The following MCF2L2 variants were observed in gnomAD, a reference collection of about 807,000 sequenced individuals.
MCF2L2 encodes the protein probable guanine nucleotide exchange factor MCF2L2.
MCF2L2 carries 102 observed loss-of-function variants against 150.2 expected under a neutral mutation model. The ratio of observed to expected loss-of-function variants is 0.68; its 90% CI spans 0.58 to 0.80. The LOEUF is 0.80. Among genes scored for constraint, MCF2L2 ranks in the 30% least tolerant of loss-of-function variants. The pLI is 0.00. For synonymous variants in MCF2L2, 465 were observed against 491.3 expected (o/e 0.95, Z 0.71); for missense variants, 1,256 against 1,372.8 (o/e 0.91, Z 1.34).
At chr3:183,216,413 T>A (rs1373966893) in intron 21 of MCF2L2, among the ~76,000 whole-genome samples, 1 of 143,174 alleles carries the variant, frequency 7.0e-6, no homozygotes, top group African/African-American at 2.6e-5. Context: ...TATATGTTTC[T>A]TATGTGTATA....
At position 183,181,323 on chromosome 3, in the gene MCF2L2, G is replaced by A. The variant is rs952799060; in HGVS notation, c.3017-1164C>T. On this transcript the variant is annotated intron_variant, in intron 27 of 29. Transcript: ENST00000328913. The surrounding 1 kb of genome is among the most constrained non-coding windows in gnomAD (Gnocchi z 4.3). ...GGGGCTGTGTGAGTAACATGGGGGC[G>A]GGGGGGCAGCTGGGCAGCACCTCCC... is the stretch of plus-strand genomic sequence containing the variant. Among the ~76,000 whole-genome samples, 26 of 144,474 alleles carry A rather than the reference G, an allele frequency of 1.8e-4. No individual in the cohort carries two copies. The highest frequency in any genetic ancestry group is 6.0e-4 in the Admixed American group (9 of 15,018). 94.8% of individuals were successfully genotyped at this position (144,474 alleles called of 152,430 possible).
At chr3:183,245,653 GTTC>G (rs1724218573) in intron 15 of MCF2L2, among the ~76,000 whole-genome samples, 1 of 152,090 alleles carries the variant, frequency 6.6e-6, no homozygotes, top group Non-Finnish European at 1.5e-5. Flanking sequence ...AGGAAAACAT[GTTC>G]TTAAGTTTTA....
rs1244069131 is a variant in MCF2L2 at position 183,267,038 on chromosome 3, G to A, written c.1862+9834C>T. 1.3e-5 allele frequency among the ~76,000 whole-genome samples: 2 copies of A among 151,994 alleles called. No homozygotes were observed. Among genetic ancestry groups the A allele is most frequent in the Admixed American group, 6.6e-5 (1 of 15,256 alleles). On this transcript the variant is annotated intron_variant, in intron 15 of 29. Transcript: ENST00000328913. The surrounding 1 kb of genome is among the most constrained non-coding windows in gnomAD (Gnocchi z 5.5). Reference sequence around the variant, plus strand: ...TGACCTCAAGTGATCCTCCTGCCTCGGCCTCCCAAAGCGCTAGGATTACAG... The same window carrying A: ...TGACCTCAAGTGATCCTCCTGCCTCAGCCTCCCAAAGCGCTAGGATTACAG...
Position 183,180,112 on chromosome 3 carries a change from C to T in MCF2L2, c.3064G>A (p.Glu1022Lys). 1 of 1,614,116 alleles carries T rather than the reference C, an allele frequency of 6.2e-7. No individual in the cohort carries two copies. Residue 1022 changes from glutamate to lysine, a missense_variant, in exon 28 of 30, where the codon GAA becomes AAA. Coordinates refer to ENST00000328913, the MANE Select transcript of MCF2L2 (RefSeq NM_015078.4). ...FSSMDTFEDC[E>K]GAEDMEKESS... is the part of the protein sequence containing the mutation. ...TCCTTTTCCATGTCTTCTGCGCCTT[C>T]ACAGTCTTCAAAGGTGTCCATGGAG...
chr3:183,234,847 C>T (rs1274265898), intron 15 of MCF2L2, among the ~76,000 whole-genome samples: 7 of 120,148 alleles, frequency 5.8e-5, no homozygotes, highest in Non-Finnish European at 8.5e-5. Flanking sequence ...TCCCTCCCCT[C>T]TCCCCCGACC....
chr3:183,194,254 C>T (rs988728189), intron 26 of MCF2L2, among the ~76,000 whole-genome samples: 10 of 152,132 alleles, frequency 6.6e-5, no homozygotes, highest in African/African-American at 2.2e-4. Flanking sequence ...TGTATCAGAA[C>T]TGGATCACAG....
intron 15 of MCF2L2, among the ~76,000 whole-genome samples, chr3:183,241,070 A>G (rs551896709): frequency 4.7e-4 from 71 of 152,338 alleles, no homozygotes; most frequent in African/African-American, 1.6e-3. Flanking sequence ...AATGATTCCA[A>G]TGAGTGTGAT....
At chr3:183,194,852 G>A (rs1722028224) in intron 26 of MCF2L2, among the ~76,000 whole-genome samples, 1 of 152,106 alleles carries the variant, frequency 6.6e-6, no homozygotes, top group Non-Finnish European at 1.5e-5. Context: ...TGTGATCTAG[G>A]CTCACTGCAG....
In MCF2L2 at chr3:183,193,036, G is replaced by T; in HGVS notation, c.2979C>A (p.Ser993Arg). Residue 993 changes from serine to arginine, a missense_variant, in exon 27 of 30, where the codon AGC (serine) becomes AGA (arginine). Physicochemically the swap from Ser to Arg is moderately radical, Grantham distance 110. Transcript: ENST00000328913. Reference sequence around the variant, plus strand: ...CTGTGCTGGAGGCCGGGTCTTCCTTGCTAGTGGTAGCTCTTTCCATATTTT... The same window carrying T: ...CTGTGCTGGAGGCCGGGTCTTCCTTTCTAGTGGTAGCTCTTTCCATATTTT... The part of the protein sequence containing the change: ...WIKNMERATT[S>R]KEDPASSTGG... The T allele has an allele frequency of 6.2e-7, 1 of 1,614,134 alleles. No individual in the cohort carries two copies. Among genetic ancestry groups the T allele is most frequent in the East Asian group, 2.2e-5 (1 of 44,884 alleles).
intron 5 of MCF2L2, among the ~76,000 whole-genome samples, chr3:183,333,544 T>G (rs1305959531): frequency 6.6e-6 from 1 of 152,208 alleles, no homozygotes; most frequent in Non-Finnish European, 1.5e-5. Flanking sequence ...TGTGTATCCT[T>G]CTCAAGATGA....
chr3:183,361,114 A>AG (rs1560040371), intron 3 of MCF2L2, among the ~76,000 whole-genome samples: 1 of 149,910 alleles, frequency 6.7e-6, no homozygotes, highest in African/African-American at 2.5e-5. Flanking sequence ...AGAAAAGAAA[A>AG]AAGAAAAAGA....
At chr3:183,368,908 T>C (rs1712696383) in intron 3 of MCF2L2, among the ~76,000 whole-genome samples, 1 of 152,244 alleles carries the variant, frequency 6.6e-6, no homozygotes, top group Non-Finnish European at 1.5e-5. Flanking sequence ...GTGAGGATGA[T>C]AATCTTTATG....
chr3:183,309,839 C>A lies in MCF2L2; in HGVS notation c.994-4G>T, dbSNP rs765500161. On this transcript the variant is annotated splice_region_variant and splice_polypyrimidine_tract_variant and intron_variant, in intron 9 of 29. Coordinates refer to ENST00000328913, the MANE Select transcript of MCF2L2 (RefSeq NM_015078.4). ...AATTATCCAGGGCAAGCTTAGCCTACAAGAAACATTAGAACAGTCCAGAAG... is the reference window on the plus strand; with the variant it reads ...AATTATCCAGGGCAAGCTTAGCCTAAAAGAAACATTAGAACAGTCCAGAAG... 1 of 1,613,520 alleles carries A rather than the reference C, an allele frequency of 6.2e-7. No homozygotes were observed. The highest frequency in any genetic ancestry group is 2.2e-5 in the East Asian group (1 of 44,854).
chr3:183,311,274 T>C (rs1255826617), intron 8 of MCF2L2, among the ~76,000 whole-genome samples: 3 of 152,212 alleles, frequency 2.0e-5, no homozygotes, highest in Non-Finnish European at 2.9e-5. Context: ...TGCTGTGCTT[T>C]AGAATGTGCT....
rs1162155259 is a variant in MCF2L2, at chr3:183,179,593, G to T, written c.3205C>A (p.Arg1069Ser). ...GESSQGEKEE[R>S]DEEETATRST... ...CACACTCACGTTTCCTCCTCATCGC[G>T]TTCTTCTTTTTCTCCCTGGCTGCTT... Residue 1069 changes from arginine to serine, a missense_variant, in exon 29 of 30, where the codon CGC becomes AGC. Transcript: ENST00000328913. This position sits in a 1 kb window ranked among gnomAD's most constrained non-coding sequence, Gnocchi z 4.2. 1 of 1,614,054 alleles carries T rather than the reference G, an allele frequency of 6.2e-7. No individual in the cohort carries two copies.
intron 5 of MCF2L2, among the ~76,000 whole-genome samples, chr3:183,323,703 C>T (rs1285445075): frequency 6.6e-6 from 1 of 150,682 alleles, no homozygotes; most frequent in Non-Finnish European, 1.5e-5. Flanking sequence ...GTGGCTAAGT[C>T]AAGAGGACTG....
At chr3:183,276,788 G>A (rs890455442) in intron 15 of MCF2L2, 84 bp downstream of exon 15, 3 of 844,034 alleles carry the variant, frequency 3.6e-6, no homozygotes, top group Non-Finnish European at 5.8e-6. Flanking sequence ...GGGAAAGACA[G>A]GTGCTGAGGT....
At chr3:183,352,400 G>A (rs924110409) in intron 3 of MCF2L2, among the ~76,000 whole-genome samples, 1 of 152,234 alleles carries the variant, frequency 6.6e-6, no homozygotes, top group Non-Finnish European at 1.5e-5. Context: ...GTGCGTGCCT[G>A]TAATCCCAGC....
intron 6 of MCF2L2, among the ~76,000 whole-genome samples, chr3:183,320,648 T>A (rs1189075285): frequency 6.6e-6 from 1 of 152,208 alleles, no homozygotes; most frequent in African/African-American, 2.4e-5. Flanking sequence ...TGATCTTCTA[T>A]CCAGGCCCAG....
Sources: allele counts gnomAD v4.1 joint callset (sites outside exome capture counted in the v4.1 genomes callset), GRCh38; gene constraint gnomAD v4.1.1; non-coding constraint Gnocchi (gnomAD v3.1); transcripts MANE v1.5; gene names NCBI Gene and HGNC (gene_info 2026-07-23, HGNC 2026-07-21).